The following COL18A1 variants were observed in gnomAD, a reference collection of about 807,000 sequenced individuals.
The protein encoded by COL18A1 is collagen type XVIII alpha 1 chain.
In COL18A1, 133 loss-of-function variants were observed where a neutral mutation model predicts 168.0. The ratio of observed to expected loss-of-function variants is 0.79; its 90% CI spans 0.69 to 0.91. The LOEUF (loss-of-function observed/expected upper bound fraction) is 0.91. Ranked by LOEUF, COL18A1 falls within the 40% of genes least tolerant of loss-of-function variation. The pLI, the probability that COL18A1 is intolerant of heterozygous loss-of-function variation, is 0.00. For missense variants in COL18A1, 2,126 were observed against 1,925.4 expected (o/e 1.10, Z -1.95); for synonymous variants, 949 against 809.0 (o/e 1.17, Z -2.94).
intron 37 of COL18A1, chr21:45,506,454 CTCCTCAGACACACCTGGG>C (rs2037209687): frequency 1.5e-5 from 4 of 271,152 alleles, no homozygotes; most frequent in African/African-American, 8.8e-5. Context: ...ACCAGCCTGG[CTCCTCAGACACACCTGGG>C]ATTGCCCCTT....
At chr21:45,484,336 C>T (rs1238956381) in intron 15 of COL18A1, among the ~76,000 whole-genome samples, 2 of 146,906 alleles carry the variant, frequency 1.4e-5, no homozygotes, top group South Asian at 4.3e-4. Flanking sequence ...CACATGCACA[C>T]ACACATCTCC....
intron 2 of COL18A1, among the ~76,000 whole-genome samples, chr21:45,410,617 TC>T (rs1008320487): frequency 1.8e-4 from 27 of 152,358 alleles, no homozygotes; most frequent in African/African-American, 6.3e-4. Flanking sequence ...TCCCCACCGT[TC>T]CGTTGAGCAG....
In COL18A1 at chr21:45,493,159, C is replaced by A. The variant is rs2036417857; in HGVS notation, c.2215-4C>A. The A allele has an allele frequency of 6.4e-7, 1 of 1,556,040 alleles. No individual in the cohort carries two copies. ...CGGGCCTCACGGCCTGGCCTCCATT[C>A]CAGGGACCTGCAGGACCCAAGGGCA... On this transcript the variant is annotated splice_region_variant and splice_polypyrimidine_tract_variant and intron_variant, in intron 24 of 41. Coordinates refer to ENST00000651438, the MANE Select transcript of COL18A1 (RefSeq NM_001379500.1).
At chr21:45,422,520 G>A (rs747224795) in intron 2 of COL18A1, 5 of 523,316 alleles carry the variant, frequency 9.6e-6, no homozygotes, top group South Asian at 4.3e-5. Flanking sequence ...CTGGCCTGAC[G>A]CACCTCGCGC....
At chr21:45,502,620 T>A (rs2036926194) in intron 32 of COL18A1, 1 of 152,156 alleles carries the variant, frequency 6.6e-6, no homozygotes, top group Admixed American at 6.5e-5. Context: ...TTCCTGCACC[T>A]CTGCCGGGAC....
At chr21:45,510,492 G>GC (rs950172710) in intron 40 of COL18A1, among the ~76,000 whole-genome samples, 12 of 152,172 alleles carry the variant, frequency 7.9e-5, no homozygotes, top group Non-Finnish European at 1.2e-4. Flanking sequence ...ATCCCATGAG[G>GC]CCCCCCCGTG....
intron 2 of COL18A1, among the ~76,000 whole-genome samples, chr21:45,448,708 G>C (rs760494027): frequency 2.6e-5 from 4 of 152,242 alleles, no homozygotes; most frequent in Non-Finnish European, 5.9e-5. Flanking sequence ...CATTCTGTCC[G>C]TCCTCCTGTG....
Position 45,505,253 on chromosome 21 carries a change from T to C in COL18A1, c.2988T>C (p.Pro996=). 1 of 1,586,140 alleles carries C rather than the reference T, an allele frequency of 6.3e-7. No homozygotes were observed. The highest frequency in any genetic ancestry group is 8.6e-7 in the Non-Finnish European group (1 of 1,163,238). ...PPGPPGPPGP[P]SFPGPHRQTI... ...GCCCCCCAGGCCCCCCAGGGCCCCCTTCATTTCCTGGCCCTCACAGGCAGA... is the reference window on the plus strand; with the variant it reads ...GCCCCCCAGGCCCCCCAGGGCCCCCCTCATTTCCTGGCCCTCACAGGCAGA... The change falls in exon 35 of 42, where the codon CCT becomes CCC. Residue 996 remains proline (P), a synonymous_variant. Coordinates refer to ENST00000651438, the MANE Select transcript of COL18A1 (RefSeq NM_001379500.1).
At position 45,426,549 on chromosome 21, in the gene COL18A1, C is replaced by A. The variant is rs2033808348; in HGVS notation, c.106+21076C>A. 3.3e-5 allele frequency among the ~76,000 whole-genome samples: 5 copies of A among 152,342 alleles called. No individual in the cohort carries two copies. In the Middle Eastern group the frequency reaches 0.014, roughly 415 times the overall value. ...CCCCCATCACGTCCGGCCCTGGAAGCCCCCGGAAACCCTGCCACGCCCTGA... is the reference window on the plus strand; with the variant it reads ...CCCCCATCACGTCCGGCCCTGGAAGACCCCGGAAACCCTGCCACGCCCTGA... On this transcript the variant is annotated intron_variant, in intron 2 of 41. Coordinates refer to ENST00000651438, the MANE Select transcript of COL18A1 (RefSeq NM_001379500.1).
intron 2 of COL18A1, among the ~76,000 whole-genome samples, chr21:45,434,482 C>A (rs143766034): frequency 1.7e-4 from 26 of 152,322 alleles, no homozygotes; most frequent in African/African-American, 6.3e-4. Context: ...TTCTGAGCAT[C>A]AGGCCAGAGG....
chr21:45,439,532 G>A (rs543286821), intron 2 of COL18A1, among the ~76,000 whole-genome samples: 1 of 150,956 alleles, frequency 6.6e-6, no homozygotes, highest in South Asian at 2.1e-4. Flanking sequence ...TTGGGACTTC[G>A]GTGCCTGCTG....
At chr21:45,467,800 C>T (rs1195551101) in intron 2 of COL18A1, among the ~76,000 whole-genome samples, 2 of 151,994 alleles carry the variant, frequency 1.3e-5, no homozygotes, top group East Asian at 3.9e-4. Context: ...GGCTGCCAGC[C>T]CCAGCCCCTC....
At chr21:45,427,117 G>A (rs1204203326) in intron 2 of COL18A1, among the ~76,000 whole-genome samples, 2 of 152,222 alleles carry the variant, frequency 1.3e-5, no homozygotes, top group Non-Finnish European at 2.9e-5. Flanking sequence ...TCTCCGGAGC[G>A]TGTGTAGGGC....
intron 38 of COL18A1, among the ~76,000 whole-genome samples, chr21:45,508,434 GGTGGGTAA>G (rs967064114): frequency 1.2e-4 from 17 of 146,390 alleles, no homozygotes; most frequent in South Asian, 9.0e-4. Context: ...GTGGATGGAT[GGTGGGTAA>G]GTGGGTGAGT....
chr21:45,479,559 ACACATGTACACAC>A (rs1206024183), intron 9 of COL18A1, among the ~76,000 whole-genome samples: 4 of 114,230 alleles, frequency 3.5e-5, no homozygotes, highest in Non-Finnish European at 1.8e-5. Context: ...CATACATATC[ACACATGTACACAC>A]CACACTCCTC....
chr21:45,482,862 G>C (rs1414112464), intron 15 of COL18A1, 41 bp downstream of exon 15: 2 of 1,613,946 alleles, frequency 1.2e-6, no homozygotes, highest in African/African-American at 2.7e-5. Flanking sequence ...CCTGCCCCTG[G>C]TGCCCACTCA....
chr21:45,417,436 C>G (rs949005905), intron 2 of COL18A1, among the ~76,000 whole-genome samples: 2 of 152,226 alleles, frequency 1.3e-5, no homozygotes, highest in Non-Finnish European at 2.9e-5. Context: ...GCTTGGGGCC[C>G]TTTCACCTGC....
rs375414087 is a variant in COL18A1, at chr21:45,476,355, C to T, written c.803C>T (p.Ala268Val). 207 of 1,613,876 alleles carry T rather than the reference C, an allele frequency of 1.3e-4. No homozygotes were observed. The highest frequency in any genetic ancestry group is 1.6e-4 in the Middle Eastern group (1 of 6,082). ...ACCTCCCCTCTCGTCCTCCAGGGCG[C>T]GGCCCTAAAACCCAGGCTCCCCGCG... is the stretch of plus-strand genomic sequence containing the variant. ...ARELLREETG[A>V]ALKPRLPAPP... Residue 268 changes from alanine to valine, a missense_variant, in exon 6 of 42, where the codon GCG becomes GTG. Coordinates refer to ENST00000651438, the MANE Select transcript of COL18A1 (RefSeq NM_001379500.1).
intron 21 of COL18A1, 91 bp downstream of exon 21, chr21:45,490,962 C>A: frequency 7.9e-7 from 1 of 1,267,544 alleles, no homozygotes; most frequent in Non-Finnish European, 1.1e-6. Flanking sequence ...CGTGCCCCTG[C>A]TGCCCATGTG....
Sources: gnomAD v4.1 joint callset for allele counts (sites outside exome capture counted in the v4.1 genomes callset) on GRCh38, gnomAD v4.1.1 for gene constraint, MANE v1.5 for transcripts, NCBI Gene and HGNC (gene_info 2026-07-23, HGNC 2026-07-21) for gene names.